LRRN3: variants seen among roughly 807,000 people sequenced by gnomAD.
LRRN3 encodes the protein leucine rich repeat neuronal 3.
In LRRN3, 15 loss-of-function variants were observed where a neutral mutation model predicts 40.1. That is an observed-to-expected ratio of 0.37 (90% CI 0.25 to 0.58). The LOEUF (loss-of-function observed/expected upper bound fraction) is 0.58. LRRN3 is among the 20% of genes least tolerant of loss of function. The pLI, the probability that LRRN3 is intolerant of heterozygous loss-of-function variation, is 0.72. For synonymous variants in LRRN3, 308 were observed against 297.2 expected, an observed-to-expected ratio of 1.04 and a Z score of -0.37; for missense variants, 746 against 837.7, an observed-to-expected ratio of 0.89 and a Z score of 1.35.
Position 111,122,674 on chromosome 7 carries a change from A to C in LRRN3, c.-99A>C. 1.1e-6 allele frequency: 1 copy of C among 941,326 alleles called. No homozygotes were observed. The highest frequency in any genetic ancestry group is 1.7e-5 in the African/African-American group (1 of 60,196). 58.3% of individuals were successfully genotyped at this position (941,326 alleles called of 1,614,324 possible). A position where few individuals can be genotyped will look rare whatever the true frequency, so the allele number is the denominator to read the frequency against. Reference sequence around the variant, plus strand: ...TTCTATGGCATTCATCATTTGACAAATGCAAGCATCTTCCTTATCAATCAG... The same window carrying C: ...TTCTATGGCATTCATCATTTGACAACTGCAAGCATCTTCCTTATCAATCAG... On this transcript the variant is annotated 5_prime_UTR_variant, in exon 3 of 3. It removes an upstream start codon present in the reference 5' UTR. Coordinates refer to ENST00000308478, the MANE Select transcript of LRRN3 (RefSeq NM_001099658.2).
At position 111,123,286 on chromosome 7, in the gene LRRN3, A is replaced by C; in HGVS notation, c.514A>C (p.Asn172His). The C allele has an allele frequency of 1.2e-6, 2 of 1,613,782 alleles. No individual in the cohort carries two copies. The highest frequency in any genetic ancestry group is 1.7e-6 in the Non-Finnish European group (2 of 1,179,902). Reference protein sequence around the residue: ...GLHNLLRLHLNSNRLQMINSK... With the variant: ...GLHNLLRLHLHSNRLQMINSK... ...ACATAATCTTCTTCGACTTCATCTC[A>C]ATTCAAATAGATTGCAGATGATCAA... The change falls in exon 3 of 3, where the codon AAT (asparagine) becomes CAT (histidine). Residue 172 changes from asparagine to histidine, a missense_variant. Asn to His is a moderately conservative substitution (Grantham distance 68, BLOSUM62 1). Transcript: ENST00000308478. The surrounding 1 kb of genome is among the most constrained non-coding windows in gnomAD (Gnocchi z 6.4).
chr7:111,105,166 C>G (rs1253858220), intron 2 of LRRN3, among the ~76,000 whole-genome samples: 4 of 151,722 alleles, frequency 2.6e-5, no homozygotes, highest in Non-Finnish European at 4.4e-5. Context: ...ACCACAAAAC[C>G]TTTGAAGTGC....
rs1373211227 is a variant in LRRN3, at chr7:111,124,296, T to G, written c.1524T>G (p.Ser508=). 6.2e-7 allele frequency: 1 copy of G among 1,613,988 alleles called. No homozygotes were observed. Among genetic ancestry groups the G allele is most frequent in the Admixed American group, 1.7e-5 (1 of 59,952 alleles). The stretch of plus-strand genomic sequence containing the variant: ...ACCTAGTTGGCGCTGACTTGAAGTC[T>G]GTTATGATCAAAGTGGATGGATCTT... ...ATNLVGADLK[S]VMIKVDGSFP... Residue 508 remains serine, a synonymous_variant, in exon 3 of 3, where the codon TCT becomes TCG. Transcript: ENST00000308478.
rs1562822417 is a variant in LRRN3, at chr7:111,124,089, T to C, written c.1317T>C (p.Tyr439=). Residue 439 remains tyrosine (Y), a synonymous_variant, in exon 3 of 3, where the codon TAT becomes TAC. Coordinates refer to ENST00000308478, the MANE Select transcript of LRRN3 (RefSeq NM_001099658.2). ...ATCTAAATGTAGAAGCTGGGAGCTA[T>C]GTTTCCTTTCACTGTAGAGCTACTG... is the stretch of plus-strand genomic sequence containing the variant. ...PSNLNVEAGS[Y]VSFHCRATAE... is the part of the protein sequence containing the mutation. The C allele has an allele frequency of 6.2e-7, 1 of 1,614,060 alleles. No homozygotes were observed.
At chr7:111,119,164 G>C (rs1800270431) in intron 2 of LRRN3, among the ~76,000 whole-genome samples, 1 of 152,110 alleles carries the variant, frequency 6.6e-6, no homozygotes, top group African/African-American at 2.4e-5. Context: ...CAGAAGTAAT[G>C]GTTTCTCCAT....
intron 2 of LRRN3, among the ~76,000 whole-genome samples, chr7:111,121,584 C>G (rs1397387765): frequency 1.3e-5 from 2 of 152,042 alleles, no homozygotes; most frequent in Non-Finnish European, 2.9e-5. Flanking sequence ...GAAACAACAG[C>G]TGCTAGAGAG....
rs143921651 is a variant in LRRN3 at position 111,124,152 on chromosome 7, T to C, written c.1380T>C (p.Ser460=). 3.7e-6 allele frequency: 6 copies of C among 1,613,904 alleles called. No homozygotes were observed. The highest frequency in any genetic ancestry group is 2.2e-5 in the South Asian group (2 of 91,080). ...PQPEIYWITP[S]GQKLLPNTLT... ...CTGAAATCTACTGGATAACACCTTC[T>C]GGTCAAAAACTCTTGCCTAATACCC... is the stretch of plus-strand genomic sequence containing the variant. Residue 460 remains serine (S), a synonymous_variant, in exon 3 of 3, where the codon TCT becomes TCC. Coordinates refer to ENST00000308478, the MANE Select transcript of LRRN3 (RefSeq NM_001099658.2).
At chr7:111,110,876 T>C (rs1799114528) in intron 2 of LRRN3, among the ~76,000 whole-genome samples, 1 of 152,210 alleles carries the variant, frequency 6.6e-6, no homozygotes, top group African/African-American at 2.4e-5. Context: ...TCTTAAATCA[T>C]GTGACTGTGA....
At chr7:111,116,108 G>A (rs888556398) in intron 2 of LRRN3, among the ~76,000 whole-genome samples, 2 of 152,172 alleles carry the variant, frequency 1.3e-5, no homozygotes, top group African/African-American at 4.8e-5. Context: ...TCAGGAGAGA[G>A]AATTGTGCTA....
intron 2 of LRRN3, among the ~76,000 whole-genome samples, chr7:111,111,272 G>A (rs1799157811): frequency 7.1e-6 from 1 of 141,364 alleles, no homozygotes. Context: ...TGGGCATATC[G>A]CCCATGCTCT....
intron 1 of LRRN3, among the ~76,000 whole-genome samples, chr7:111,095,263 C>T (rs761501364): frequency 6.6e-6 from 1 of 151,848 alleles, no homozygotes; most frequent in African/African-American, 2.4e-5. Context: ...GGTTTGAAAT[C>T]GTTATAATGT....
At chr7:111,120,643 C>T (rs995137468) in intron 2 of LRRN3, among the ~76,000 whole-genome samples, 2 of 152,124 alleles carry the variant, frequency 1.3e-5, no homozygotes, top group Non-Finnish European at 2.9e-5. Context: ...AAATGTTAAT[C>T]TTGTGAACTT....
intron 2 of LRRN3, 38 bp downstream of exon 2, chr7:111,100,000 T>G (rs1797801289): frequency 6.6e-6 from 1 of 151,700 alleles, no homozygotes; most frequent in South Asian, 2.1e-4. Context: ...TTCACTTTGA[T>G]TCCATGAGGG....
intron 1 of LRRN3, chr7:111,097,341 A>AT (rs2129579137): frequency 6.6e-6 from 1 of 152,046 alleles, no homozygotes; most frequent in East Asian, 1.9e-4. Context: ...AATAGTAGAT[A>AT]TTTTAACTAT....
At chr7:111,119,721 A>C (rs1353463224) in intron 2 of LRRN3, among the ~76,000 whole-genome samples, 3 of 152,182 alleles carry the variant, frequency 2.0e-5, no homozygotes, top group African/African-American at 7.2e-5. Flanking sequence ...TTCATTCAAA[A>C]CATTTCTTGA....
intron 2 of LRRN3, among the ~76,000 whole-genome samples, chr7:111,121,215 C>G (rs193065343): frequency 5.5e-4 from 84 of 152,148 alleles, no homozygotes; most frequent in Non-Finnish European, 1.1e-3. Flanking sequence ...TTGTTTTTTT[C>G]TTGTAAATTT....
intron 2 of LRRN3, among the ~76,000 whole-genome samples, chr7:111,116,633 CTA>C (rs1799912079): frequency 6.6e-6 from 1 of 152,052 alleles, no homozygotes. Context: ...TTGTGAGAAA[CTA>C]AGATTCAGAG....
chr7:111,110,114 AAC>A (rs1176669501), intron 2 of LRRN3, among the ~76,000 whole-genome samples: 12 of 152,176 alleles, frequency 7.9e-5, no homozygotes, highest in Admixed American at 1.3e-4. Flanking sequence ...CAGCCTAGGC[AAC>A]ACAGTGAGAC....
chr7:111,111,257 T>G (rs1238643488), intron 2 of LRRN3, among the ~76,000 whole-genome samples: 1 of 149,908 alleles, frequency 6.7e-6, no homozygotes, highest in African/African-American at 2.5e-5. Flanking sequence ...AAAAAGACGC[T>G]TATGTGGGCA....
Sources: gnomAD v4.1 joint callset for allele counts (sites outside exome capture counted in the v4.1 genomes callset) on GRCh38, gnomAD v4.1.1 for gene constraint, Gnocchi (gnomAD v3.1) non-coding constraint, MANE v1.5 for transcripts, NCBI Gene and HGNC (gene_info 2026-07-23, HGNC 2026-07-21) for gene names.